MGAT4C: variants seen among roughly 807,000 people sequenced by gnomAD.
The protein encoded by MGAT4C is alpha-1,3-mannosyl-glycoprotein 4-beta-N-acetylglucosaminyltransferase C.
MGAT4C carries 19 observed loss-of-function variants against 40.1 expected under a neutral mutation model. The ratio of observed to expected loss-of-function variants is 0.47; its 90% CI spans 0.33 to 0.70. MGAT4C has a LOEUF of 0.70. Ranked by LOEUF, MGAT4C falls within the 30% of genes least tolerant of loss-of-function variation. The probability of loss-of-function intolerance (pLI) is 0.02; values close to 1 mark genes in which losing one functional copy is unlikely to be tolerated. For synonymous variants in MGAT4C, 181 were observed against 187.1 expected, an observed-to-expected ratio of 0.97 and a Z score of 0.27; for missense variants, 491 against 563.2, an observed-to-expected ratio of 0.87 and a Z score of 1.30.
intron 2 of MGAT4C, among the ~76,000 whole-genome samples, chr12:86,520,972 A>G (rs1958783914): frequency 2.0e-5 from 3 of 152,116 alleles, no homozygotes; most frequent in Admixed American, 6.5e-5. Flanking sequence ...GATATTAGAC[A>G]CTTGCCAGAT....
chr12:86,160,802 A>C (rs1173735701), intron 1 of MGAT4C, among the ~76,000 whole-genome samples: 1 of 152,096 alleles, frequency 6.6e-6, no homozygotes, highest in African/African-American at 2.4e-5. Context: ...TTCTTACTGA[A>C]TTGTACCCTT....
At chr12:85,996,413 A>T (rs552858212) in intron 2 of MGAT4C, among the ~76,000 whole-genome samples, 1 of 152,354 alleles carries the variant, frequency 6.6e-6, no homozygotes, top group East Asian at 1.9e-4. Context: ...TAAAGCACAG[A>T]GAGAGGGACA....
At chr12:86,343,201 A>C (rs1052976940) in intron 3 of MGAT4C, among the ~76,000 whole-genome samples, 2 of 152,180 alleles carry the variant, frequency 1.3e-5, no homozygotes, top group Non-Finnish European at 2.9e-5. Flanking sequence ...CAAAAGAAAC[A>C]TACATATACT....
intron 1 of MGAT4C, among the ~76,000 whole-genome samples, chr12:86,134,833 T>C (rs1881723593): frequency 6.6e-6 from 1 of 152,138 alleles, no homozygotes; most frequent in African/African-American, 2.4e-5. Context: ...AGGGACAGAA[T>C]GGCTAAGAGA....
At chr12:85,998,762 A>G (rs1886941743) in intron 2 of MGAT4C, among the ~76,000 whole-genome samples, 1 of 152,178 alleles carries the variant, frequency 6.6e-6, no homozygotes, top group African/African-American at 2.4e-5. Context: ...ATTTTGGGCA[A>G]AGCCATTCAA....
At chr12:86,642,066 G>A (rs1415369687) in intron 2 of MGAT4C, among the ~76,000 whole-genome samples, 1 of 151,802 alleles carries the variant, frequency 6.6e-6, no homozygotes, top group East Asian at 1.9e-4. Flanking sequence ...AAATAGGAAT[G>A]ACAAATAGAA....
intron 4 of MGAT4C, among the ~76,000 whole-genome samples, chr12:86,310,077 G>T (rs1216845709): frequency 6.6e-6 from 1 of 151,166 alleles, no homozygotes; most frequent in Non-Finnish European, 1.5e-5. Flanking sequence ...AAAAGTGACA[G>T]TATGAAGTAG....
At chr12:86,142,274 T>C (rs957820007) in intron 1 of MGAT4C, among the ~76,000 whole-genome samples, 1 of 152,060 alleles carries the variant, frequency 6.6e-6, no homozygotes, top group Non-Finnish European at 1.5e-5. Context: ...GAGATGAAAA[T>C]CAAGCCAATA....
intron 1 of MGAT4C, among the ~76,000 whole-genome samples, chr12:86,150,322 A>C (rs960391492): frequency 6.6e-6 from 1 of 152,218 alleles, no homozygotes; most frequent in Non-Finnish European, 1.5e-5. Flanking sequence ...CTCCTGATCT[A>C]AATGACATAA....
intron 1 of MGAT4C, among the ~76,000 whole-genome samples, chr12:86,137,083 T>A (rs1476194806): frequency 1.3e-5 from 2 of 152,192 alleles, no homozygotes; most frequent in African/African-American, 4.8e-5. Context: ...TTCAACTGTT[T>A]AGTGTCTGTC....
rs1364035466 is a variant in MGAT4C, at chr12:86,330,633, G to A, written c.-57+3432C>T. Among the ~76,000 whole-genome samples the A allele has an allele frequency of 3.3e-5, 5 of 152,006 alleles. No individual in the cohort carries two copies. In the East Asian group the frequency reaches 9.6e-4, roughly 29 times the overall value. On this transcript the variant is annotated intron_variant, in intron 4 of 7. Coordinates refer to the MGAT4C transcript ENST00000548651. ...TAAACCAGTGATTACATAACTTTTG[G>A]ATCTGTGTGATAGTCTTATTTATAG...
intron 1 of MGAT4C, among the ~76,000 whole-genome samples, chr12:86,175,864 G>A (rs1217640744): frequency 6.6e-6 from 1 of 151,874 alleles, no homozygotes; most frequent in Non-Finnish European, 1.5e-5. Context: ...CCAGCTACTC[G>A]GGAGGCTGAG....
intron 1 of MGAT4C, among the ~76,000 whole-genome samples, chr12:86,168,209 T>C (rs17357259): frequency 0.073 from 11,092 of 152,282 alleles, 573 homozygotes; most frequent in Middle Eastern, 0.22. Flanking sequence ...TCTCTTTTCA[T>C]GTGCGCATAT....
intron 3 of MGAT4C, among the ~76,000 whole-genome samples, chr12:86,397,107 T>C (rs59886020): frequency 0.026 from 3,972 of 152,218 alleles, 172 homozygotes; most frequent in African/African-American, 0.089. Context: ...CCATTAGTAT[T>C]TGGAACATTT....
chr12:86,750,292 C>A (rs1323723707), intron 1 of MGAT4C, among the ~76,000 whole-genome samples: 1 of 151,840 alleles, frequency 6.6e-6, no homozygotes, highest in East Asian at 1.9e-4. Flanking sequence ...AAAGTCCCTA[C>A]ATAGATGAGG....
At chr12:86,738,998 A>G (rs910520404) in intron 1 of MGAT4C, among the ~76,000 whole-genome samples, 2 of 150,786 alleles carry the variant, frequency 1.3e-5, no homozygotes, top group African/African-American at 4.8e-5. Context: ...TGGTGTAGTA[A>G]GCATTGAATA....
At chr12:86,552,780 T>C (rs1370194217) in intron 2 of MGAT4C, among the ~76,000 whole-genome samples, 1 of 152,140 alleles carries the variant, frequency 6.6e-6, no homozygotes, top group Non-Finnish European at 1.5e-5. Context: ...TTTCTGAGGG[T>C]AGCTCAGTAA....
chr12:86,267,146 G>C (rs1952806896), intron 4 of MGAT4C, among the ~76,000 whole-genome samples: 1 of 150,920 alleles, frequency 6.6e-6, no homozygotes, highest in Non-Finnish European at 1.5e-5. Context: ...CTGCAGTTTT[G>C]GTTTGTTTTT....
At chr12:86,194,891 C>G (rs1286022253) in intron 1 of MGAT4C, among the ~76,000 whole-genome samples, 1 of 152,212 alleles carries the variant, frequency 6.6e-6, no homozygotes, top group Non-Finnish European at 1.5e-5. Context: ...CGAAGCCCAT[C>G]TTCTTTGGCA....
Sources: gnomAD v4.1 joint callset for allele counts (sites outside exome capture counted in the v4.1 genomes callset) on GRCh38, gnomAD v4.1.1 for gene constraint, MANE v1.5 for transcripts, NCBI Gene and HGNC (gene_info 2026-07-23, HGNC 2026-07-21) for gene names.